Variants in SOX6 observed in about 807,000 individuals in gnomAD.
The protein encoded by SOX6 is transcription factor SOX-6.
A neutral mutation model predicts 97.8 loss-of-function variants in SOX6; 11 were observed. The ratio of observed to expected loss-of-function variants is 0.11; its 90% CI spans 0.07 to 0.19. The LOEUF is 0.19. Ranked by LOEUF, SOX6 falls within the 10% of genes least tolerant of loss-of-function variation. SOX6 has a pLI of 1.00. For synonymous variants in SOX6, 360 were observed against 371.4 expected, an observed-to-expected ratio of 0.97 and a Z score of 0.35; for missense variants, 810 against 1,039.5, an observed-to-expected ratio of 0.78 and a Z score of 3.04.
chr11:16,168,213 T>C (rs1208685474), intron 6 of SOX6, among the ~76,000 whole-genome samples: 1 of 152,056 alleles, frequency 6.6e-6, no homozygotes, highest in Non-Finnish European at 1.5e-5. Flanking sequence ...TATTTTGAGG[T>C]AAATTAGACT....
chr11:16,419,047 T>A (rs1423249292), intron 1 of SOX6, among the ~76,000 whole-genome samples: 1 of 152,196 alleles, frequency 6.6e-6, no homozygotes, highest in Non-Finnish European at 1.5e-5. Context: ...TTATGGAAAC[T>A]CCATGCATTA....
At chr11:16,240,590 C>T (rs1025541856) in intron 3 of SOX6, among the ~76,000 whole-genome samples, 2 of 151,944 alleles carry the variant, frequency 1.3e-5, no homozygotes, top group Non-Finnish European at 2.9e-5. Flanking sequence ...CTTTTATCTG[C>T]TTTCCAAGGC....
At chr11:16,509,009 G>T (rs1175118762) in intron 4 of SOX6, among the ~76,000 whole-genome samples, 1 of 151,908 alleles carries the variant, frequency 6.6e-6, no homozygotes, top group Non-Finnish European at 1.5e-5. Context: ...AAATTTCACA[G>T]AACATATTTT....
chr11:16,105,366 A>C (rs556597497), intron 7 of SOX6, among the ~76,000 whole-genome samples: 1 of 152,166 alleles, frequency 6.6e-6, no homozygotes, highest in African/African-American at 2.4e-5. Flanking sequence ...GAAAACTAGT[A>C]ATAGAGGAAA....
At chr11:16,721,313 A>G (rs1308547814) in intron 2 of SOX6, among the ~76,000 whole-genome samples, 2 of 151,974 alleles carry the variant, frequency 1.3e-5, no homozygotes, top group Non-Finnish European at 2.9e-5. Context: ...TCTGCCTTGC[A>G]CTCTTTGCTG....
At chr11:16,341,622 T>A (rs1199509743) in intron 1 of SOX6, among the ~76,000 whole-genome samples, 2 of 152,100 alleles carry the variant, frequency 1.3e-5, no homozygotes, top group Non-Finnish European at 2.9e-5. Flanking sequence ...TGGAAAAAAA[T>A]GAATCAATGA....
intron 9 of SOX6, among the ~76,000 whole-genome samples, chr11:16,073,221 C>T (rs1848266276): frequency 6.6e-6 from 1 of 151,946 alleles, no homozygotes; most frequent in African/African-American, 2.4e-5. Flanking sequence ...CAGTGACACC[C>T]ATAGGCTAAA....
intron 6 of SOX6, among the ~76,000 whole-genome samples, chr11:16,164,794 C>T (rs1193712436): frequency 6.7e-6 from 1 of 149,338 alleles, no homozygotes; most frequent in Non-Finnish European, 1.5e-5. Flanking sequence ...GCACTCCAGC[C>T]TGAGCAACAG....
At chr11:16,220,175 CAT>C (rs1852496185) in intron 4 of SOX6, among the ~76,000 whole-genome samples, 1 of 151,774 alleles carries the variant, frequency 6.6e-6, no homozygotes, top group Admixed American at 6.6e-5. Context: ...TAAAAATATC[CAT>C]ATTAACTGTG....
chr11:16,171,656 G>A (rs1851042612), intron 6 of SOX6, among the ~76,000 whole-genome samples: 2 of 151,638 alleles, frequency 1.3e-5, no homozygotes, highest in Non-Finnish European at 2.9e-5. Context: ...ATAAAACAAA[G>A]TTTATTTATA....
intron 3 of SOX6, among the ~76,000 whole-genome samples, chr11:16,707,804 T>A (rs193108677): frequency 1.3e-5 from 2 of 152,264 alleles, no homozygotes; most frequent in East Asian, 3.9e-4. Context: ...TTCAGCAAAG[T>A]AAAGAATGCC....
intron 2 of SOX6, among the ~76,000 whole-genome samples, chr11:16,726,699 T>C (rs1255279710): frequency 6.6e-6 from 1 of 152,236 alleles, no homozygotes; most frequent in Non-Finnish European, 1.5e-5. Context: ...GTAAAGGTTC[T>C]AAATTATTCA....
chr11:16,555,877 T>C (rs1310397456), intron 4 of SOX6, among the ~76,000 whole-genome samples: 2 of 151,758 alleles, frequency 1.3e-5, no homozygotes, highest in East Asian at 3.9e-4. Flanking sequence ...GTTAAGTCTA[T>C]ATCCAGATAA....
chr11:16,077,993 A>AT (rs1848395250), intron 9 of SOX6, among the ~76,000 whole-genome samples: 1 of 152,184 alleles, frequency 6.6e-6, no homozygotes, highest in African/African-American at 2.4e-5. Flanking sequence ...TTTTCCAAGT[A>AT]TTTTTTCTTT....
At chr11:16,407,698 A>G (rs1387411186) in intron 1 of SOX6, among the ~76,000 whole-genome samples, 1 of 152,076 alleles carries the variant, frequency 6.6e-6, no homozygotes. Context: ...TGGGTCTCCA[A>G]AAGGAGCCTT....
Position 16,341,379 on chromosome 11 carries a change from T to A in SOX6, c.-4-127A>T. ...CTTTAGAGATATTTGTGGTCCACTC[T>A]AAACCCCTGAAAAAGAACTCCTGGC... On this transcript the variant is annotated intron_variant, in intron 1 of 15. Coordinates refer to ENST00000683767, the MANE Select transcript of SOX6 (RefSeq NM_001367873.1). 2.2e-6 allele frequency: 3 copies of A among 1,348,046 alleles called. No homozygotes were observed. In the South Asian group the frequency reaches 4.6e-5, roughly 21 times the overall value. 83.5% of individuals were successfully genotyped at this position (1,348,046 alleles called of 1,614,324 possible). A position where few individuals can be genotyped will look rare whatever the true frequency, so the allele number is the denominator to read the frequency against.
intron 3 of SOX6, among the ~76,000 whole-genome samples, chr11:16,688,904 A>G (rs999113732): frequency 6.6e-6 from 1 of 152,198 alleles, no homozygotes; most frequent in Non-Finnish European, 1.5e-5. Context: ...AAGTTACTTG[A>G]AAACAGTTTG....
chr11:16,319,021 T>G (rs1855831335), intron 2 of SOX6, among the ~76,000 whole-genome samples: 1 of 152,196 alleles, frequency 6.6e-6, no homozygotes, highest in Non-Finnish European at 1.5e-5. Context: ...TTAGGCTTGG[T>G]AAAGTTTTTC....
intron 1 of SOX6, among the ~76,000 whole-genome samples, chr11:16,361,583 C>G (rs953648993): frequency 1.3e-5 from 2 of 152,262 alleles, no homozygotes; most frequent in Admixed American, 6.5e-5. Context: ...ACTCAATACA[C>G]CAAATTAGAT....
Sources: allele counts gnomAD v4.1 joint callset (sites outside exome capture counted in the v4.1 genomes callset), GRCh38; gene constraint gnomAD v4.1.1; transcripts MANE v1.5; gene names NCBI Gene and HGNC (gene_info 2026-07-23, HGNC 2026-07-21).